COL4A4: variants seen among roughly 807,000 people sequenced by gnomAD.
COL4A4 encodes the protein collagen alpha-4(IV) chain.
Under a neutral mutation model 192.9 loss-of-function variants are expected in COL4A4, and 105 were observed. The ratio of observed to expected loss-of-function variants is 0.54; its 90% CI spans 0.46 to 0.64. The LOEUF (loss-of-function observed/expected upper bound fraction) is 0.64, where lower values mean the gene tolerates loss of function less well. Among genes scored for constraint, COL4A4 ranks in the 30% least tolerant of loss-of-function variants. The pLI is 0.00. For missense variants in COL4A4, 1,967 were observed against 2,169.3 expected, an observed-to-expected ratio of 0.91 and a Z score of 1.85; for synonymous variants, 762 against 769.9, an observed-to-expected ratio of 0.99 and a Z score of 0.17.
At chr2:227,120,804 T>C in intron 5 of COL4A4, 2 of 575,792 alleles carry the variant, frequency 3.5e-6, no homozygotes, top group Non-Finnish European at 6.2e-6. Flanking sequence ...CTGGACATGG[T>C]GGTATGTGCC....
intron 30 of COL4A4, among the ~76,000 whole-genome samples, chr2:227,055,527 T>A (rs936417038): frequency 6.6e-6 from 1 of 151,664 alleles, no homozygotes; most frequent in Non-Finnish European, 1.5e-5. Flanking sequence ...AATAAAAAAA[T>A]AAAATAAAAA....
At chr2:226,982,616 A>G in the COL4A4 span, among the ~76,000 whole-genome samples, 1 of 152,200 alleles carries the variant, frequency 6.6e-6, no homozygotes, top group Non-Finnish European at 1.5e-5. Flanking sequence ...GACAAAACAA[A>G]TAGACTGAAT....
chr2:227,060,101 G>GGAAAAAA, intron 27 of COL4A4, 35 bp downstream of exon 27: 2 of 503,760 alleles, frequency 4.0e-6, no homozygotes, highest in South Asian at 2.2e-5. Flanking sequence ...TCCCAAAGCA[G>GGAAAAAA]AAAAAAAAAA....
intron 23 of COL4A4, 69 bp downstream of exon 23, chr2:227,082,045 AT>A: frequency 7.8e-7 from 1 of 1,285,252 alleles, no homozygotes; most frequent in Middle Eastern, 1.9e-4. Context: ...CACAGGGGAA[AT>A]TACTGCAAGA....
intron 1 of COL4A4, among the ~76,000 whole-genome samples, chr2:227,149,683 C>T (rs957729432): frequency 1.3e-5 from 2 of 152,196 alleles, no homozygotes; most frequent in Non-Finnish European, 2.9e-5. Context: ...GAGGTATTTA[C>T]ATTTTGATCC....
intron 45 of COL4A4, among the ~76,000 whole-genome samples, chr2:227,010,780 T>C (rs927589730): frequency 1.3e-5 from 2 of 152,162 alleles, no homozygotes; most frequent in African/African-American, 2.4e-5. Context: ...AGAGCTTGCA[T>C]TACACTTGAG....
intron 44 of COL4A4, among the ~76,000 whole-genome samples, chr2:227,017,319 A>C (rs1965108009): frequency 6.6e-6 from 1 of 152,216 alleles, no homozygotes; most frequent in South Asian, 2.1e-4. Flanking sequence ...AACAGGAAGG[A>C]AGGCTCTTCT....
At chr2:227,031,310 A>G (rs1968341986) in intron 40 of COL4A4, among the ~76,000 whole-genome samples, 1 of 152,148 alleles carries the variant, frequency 6.6e-6, no homozygotes, top group Non-Finnish European at 1.5e-5. Context: ...ATGTGTCTTT[A>G]TGGAAGAGTT....
the COL4A4 span, among the ~76,000 whole-genome samples, chr2:226,993,039 TG>T: frequency 6.6e-6 from 1 of 152,192 alleles, no homozygotes; most frequent in Non-Finnish European, 1.5e-5. Flanking sequence ...GGCATTTCTT[TG>T]GTTGGCTCAG....
chr2:226,972,948 A>T, the COL4A4 span, among the ~76,000 whole-genome samples: 7 of 151,718 alleles, frequency 4.6e-5, no homozygotes, highest in Non-Finnish European at 1.0e-4. Flanking sequence ...AAAAAAAACA[A>T]AAAACCATGC....
chr2:226,969,989 TC>T, the COL4A4 span, among the ~76,000 whole-genome samples: 127 of 111,962 alleles, frequency 1.1e-3, no homozygotes, highest in African/African-American at 2.4e-3. Flanking sequence ...TTTACAACTG[TC>T]CCCCCCCCCT....
chr2:227,027,729 C>A, intron 42 of COL4A4, 173 bp downstream of exon 42: 2 of 457,738 alleles, frequency 4.4e-6, no homozygotes, highest in South Asian at 5.5e-5. Context: ...TAAATTATTA[C>A]TTTACCAAAC....
chr2:227,104,964 T>C (rs534165736), intron 12 of COL4A4, among the ~76,000 whole-genome samples: 35 of 152,102 alleles, frequency 2.3e-4, no homozygotes, highest in Non-Finnish European at 4.6e-4. Flanking sequence ...ATATAATTTT[T>C]GGTGGTGTGT....
At chr2:227,138,202 C>A (rs189824756) in intron 4 of COL4A4, among the ~76,000 whole-genome samples, 1,959 of 151,920 alleles carry the variant, frequency 0.013, 26 homozygotes, top group Non-Finnish European at 0.021. Context: ...CCTGTAGGCC[C>A]AGCCACTTGG....
rs547818769 is a variant in COL4A4, at chr2:227,112,135, C to G, written c.559-422G>C. ...GGTGGAAATTGCCTCACACCAGCCT[C>G]TGTCTACTTCTATCGCCTTGTGACT... On this transcript the variant is annotated intron_variant, in intron 8 of 47. Transcript: ENST00000396625. 7.9e-5 allele frequency among the ~76,000 whole-genome samples: 12 copies of G among 152,336 alleles called. No individual in the cohort carries two copies. In the South Asian group the frequency reaches 2.5e-3, roughly 32 times the overall value.
At chr2:227,120,052 G>T (rs1053988642) in intron 5 of COL4A4, 113 bp from the exon 6 acceptor site, 31 of 754,910 alleles carry the variant, frequency 4.1e-5, no homozygotes, top group Non-Finnish European at 5.6e-5. Context: ...AGCAGTCATT[G>T]TCACCTATTT....
chr2:227,120,118 T>C (rs2061697114), intron 5 of COL4A4, among the ~76,000 whole-genome samples, 179 bp from the exon 6 acceptor site: 2 of 152,196 alleles, frequency 1.3e-5, no homozygotes, highest in African/African-American at 4.8e-5. Flanking sequence ...TGCTTTTCTT[T>C]TGTACTTGGG....
chr2:226,976,013 AGCATAGCAGG>A, the COL4A4 span, among the ~76,000 whole-genome samples: 2 of 151,812 alleles, frequency 1.3e-5, no homozygotes, highest in African/African-American at 4.8e-5. Context: ...TGCCCCCATT[AGCATAGCAGG>A]GCCTGTCTGG....
intron 18 of COL4A4, 54 bp downstream of exon 18, chr2:227,099,566 C>T (rs1193769676): frequency 6.6e-7 from 1 of 1,523,956 alleles, no homozygotes; most frequent in Non-Finnish European, 9.1e-7. Context: ...CTGTCCTGGC[C>T]ACTCAACTCC....
Sources: allele counts gnomAD v4.1 joint callset (sites outside exome capture counted in the v4.1 genomes callset), GRCh38; gene constraint gnomAD v4.1.1; transcripts MANE v1.5; gene names NCBI Gene and HGNC (gene_info 2026-07-23, HGNC 2026-07-21).